ZC3H11C: variants seen among roughly 807,000 people sequenced by gnomAD.
ZC3H11C encodes zinc finger CCCH domain-containing protein 11C.
At chr6:65,301,669 C>T in the ZC3H11C span, among the ~76,000 whole-genome samples, 1 of 152,248 alleles carries the variant, frequency 6.6e-6, no homozygotes, top group African/African-American at 2.4e-5. Context: ...CACCCATTCC[C>T]CACCCTCATT....
the ZC3H11C span, among the ~76,000 whole-genome samples, chr6:65,301,923 C>A: frequency 6.6e-6 from 1 of 152,172 alleles, no homozygotes; most frequent in East Asian, 1.9e-4. Context: ...ATTCCCTGCC[C>A]AAAAAATTCC....
At chr6:65,302,418 T>G in the ZC3H11C span, 1 of 639,582 alleles carries the variant, frequency 1.6e-6, no homozygotes, top group South Asian at 1.9e-5. Context: ...AGTTGTCATT[T>G]GGAAGATTAA....
At chr6:65,302,211 C>T in the ZC3H11C span, among the ~76,000 whole-genome samples, 9 of 152,182 alleles carry the variant, frequency 5.9e-5, no homozygotes, top group African/African-American at 2.2e-4. Flanking sequence ...AAAACACATG[C>T]TGTGTTTGAA....
the ZC3H11C span, chr6:65,302,426 T>G: frequency 1.6e-6 from 1 of 634,570 alleles, no homozygotes; most frequent in East Asian, 2.7e-5. Flanking sequence ...TTTGGAAGAT[T>G]AAACCCATTT....
At chr6:65,301,529 G>A in the ZC3H11C span, among the ~76,000 whole-genome samples, 45 of 152,292 alleles carry the variant, frequency 3.0e-4, 1 homozygote, top group East Asian at 3.9e-4. Flanking sequence ...GGACGGCAGC[G>A]GCCAAGCGAG....
At chr6:65,301,749 T>C in the ZC3H11C span, among the ~76,000 whole-genome samples, 2 of 152,230 alleles carry the variant, frequency 1.3e-5, no homozygotes, top group African/African-American at 2.4e-5. Flanking sequence ...CCTTGTAGGA[T>C]TGGTGAAACC....
the ZC3H11C span, chr6:65,303,775 G>C: frequency 1.8e-6 from 1 of 551,948 alleles, no homozygotes; most frequent in Non-Finnish European, 3.1e-6. Context: ...ATAGGCAGCA[G>C]GAAGCAGAGA....
chr6:65,305,738 C>A, the ZC3H11C span, among the ~76,000 whole-genome samples: 1 of 152,222 alleles, frequency 6.6e-6, no homozygotes, highest in Non-Finnish European at 1.5e-5. Flanking sequence ...TGTCCCTTTT[C>A]TTCTTCAGTA....
chr6:65,301,535 G>A, the ZC3H11C span, among the ~76,000 whole-genome samples: 4 of 152,216 alleles, frequency 2.6e-5, no homozygotes, highest in African/African-American at 7.2e-5. Context: ...CAGCGGCCAA[G>A]CGAGAAGAAA....
At chr6:65,301,653 A>G in the ZC3H11C span, among the ~76,000 whole-genome samples, 1 of 152,256 alleles carries the variant, frequency 6.6e-6, no homozygotes, top group Non-Finnish European at 1.5e-5. Flanking sequence ...TTATTCCGGT[A>G]TCCTACACCC....
the ZC3H11C span, chr6:65,302,777 A>G: frequency 6.2e-7 from 1 of 1,613,738 alleles, no homozygotes; most frequent in East Asian, 2.2e-5. Flanking sequence ...CCATCACAAT[A>G]GAGGACGATA....
At chr6:65,302,046 G>A in the ZC3H11C span, among the ~76,000 whole-genome samples, 1 of 152,194 alleles carries the variant, frequency 6.6e-6, no homozygotes, top group Non-Finnish European at 1.5e-5. Context: ...TATGGAAGAT[G>A]GATTTTTTTT....
the ZC3H11C span, among the ~76,000 whole-genome samples, chr6:65,306,284 T>C: frequency 2.0e-5 from 3 of 152,156 alleles, no homozygotes; most frequent in African/African-American, 7.2e-5. Context: ...GTTGGGAATA[T>C]GGAAAAGGAA....
the ZC3H11C span, among the ~76,000 whole-genome samples, chr6:65,305,167 T>A: frequency 6.6e-6 from 1 of 151,088 alleles, no homozygotes; most frequent in Non-Finnish European, 1.5e-5. Flanking sequence ...TTGATGCCAT[T>A]GTTTATCATC....
At chr6:65,302,108 T>G in the ZC3H11C span, among the ~76,000 whole-genome samples, 1 of 152,254 alleles carries the variant, frequency 6.6e-6, no homozygotes, top group South Asian at 2.1e-4. Flanking sequence ...TTTTTTTGTT[T>G]TGTTTTTGAG....
the ZC3H11C span, among the ~76,000 whole-genome samples, chr6:65,301,773 C>T: frequency 6.6e-6 from 1 of 152,244 alleles, no homozygotes; most frequent in Non-Finnish European, 1.5e-5. Flanking sequence ...ATGACGAACA[C>T]CCCTAAACTC....
chr6:65,305,319 T>C, the ZC3H11C span, among the ~76,000 whole-genome samples: 6 of 152,242 alleles, frequency 3.9e-5, no homozygotes, highest in Non-Finnish European at 7.3e-5. Context: ...TTGTATTCTT[T>C]ATGTATTGTC....
At chr6:65,302,291 G>A in the ZC3H11C span, among the ~76,000 whole-genome samples, 1 of 152,168 alleles carries the variant, frequency 6.6e-6, no homozygotes, top group South Asian at 2.1e-4. Flanking sequence ...ATTAATTCAT[G>A]GATTGAGTGT....
the ZC3H11C span, among the ~76,000 whole-genome samples, chr6:65,305,741 CT>C: frequency 6.6e-6 from 1 of 152,218 alleles, no homozygotes; most frequent in African/African-American, 2.4e-5. Context: ...CCCTTTTCTT[CT>C]TCAGTACTTG....
Sources: gnomAD v4.1 joint callset for allele counts (sites outside exome capture counted in the v4.1 genomes callset) on GRCh38, gnomAD v4.1.1 for gene constraint, MANE v1.5 for transcripts, NCBI Gene and HGNC (gene_info 2026-07-23, HGNC 2026-07-21) for gene names.